Variants in GIGYF2 observed in about 807,000 individuals in gnomAD.
GIGYF2 encodes GRB10-interacting GYF protein 2.
Under a neutral mutation model 208.1 loss-of-function variants are expected in GIGYF2, and 25 were observed. The ratio of observed to expected loss-of-function variants is 0.12; its 90% CI spans 0.09 to 0.17. The LOEUF (loss-of-function observed/expected upper bound fraction) is 0.17. GIGYF2 is among the 10% of genes least tolerant of loss of function. The pLI, the probability that GIGYF2 is intolerant of heterozygous loss-of-function variation, is 1.00. For missense variants in GIGYF2, 1,302 were observed against 1,579.4 expected (o/e 0.82, Z 2.98); for synonymous variants, 534 against 543.8 (o/e 0.98, Z 0.25).
At chr2:232,824,692 C>A (rs985891795) in intron 21 of GIGYF2, among the ~76,000 whole-genome samples, 2 of 152,124 alleles carry the variant, frequency 1.3e-5, no homozygotes, top group African/African-American at 4.8e-5. Context: ...ATCCAGATGC[C>A]CTACTTAAGA....
At chr2:232,775,531 C>T (rs934278185) in intron 8 of GIGYF2, among the ~76,000 whole-genome samples, 1 of 152,122 alleles carries the variant, frequency 6.6e-6, no homozygotes, top group Non-Finnish European at 1.5e-5. Flanking sequence ...GTCTCATCAG[C>T]TGATCCCAAT....
intron 1 of GIGYF2, among the ~76,000 whole-genome samples, chr2:232,701,733 A>C (rs534650100): frequency 3.3e-5 from 5 of 152,044 alleles, no homozygotes; most frequent in Non-Finnish European, 7.4e-5. Flanking sequence ...CAAGAATGCA[A>C]TTTGAGAAAG....
chr2:232,760,603 C>A lies in GIGYF2; in HGVS notation c.491+12C>A. 1 of 1,514,492 alleles carries A rather than the reference C, an allele frequency of 6.6e-7. No homozygotes were observed. Among genetic ancestry groups the A allele is most frequent in the Non-Finnish European group, 9.2e-7 (1 of 1,089,764 alleles). The allele number at this position is 1,514,492 out of a possible 1,614,324, so 93.8% of individuals were successfully genotyped here. On this transcript the variant is annotated intron_variant, in intron 7 of 28. Transcript: ENST00000373563. ...AGCTGGGAGGAAAGGTAACTGGATC[C>A]ACATATTGGCATAAAAATTTCTTGG...
intron 5 of GIGYF2, 26 bp from the exon 6 acceptor site, chr2:232,756,197 C>CTTTTTTTTTTTTTTT: frequency 5.6e-6 from 4 of 709,936 alleles, no homozygotes; most frequent in South Asian, 2.0e-5. Context: ...TCCTTTTTCT[C>CTTTTTTTTTTTTTTT]TTTTTTTTTT....
At position 232,732,785 on chromosome 2, in the gene GIGYF2, T is replaced by C. The variant is rs144701026; in HGVS notation, c.-43-2370T>C. ...CTGGGACTACAGGCTCGCACCATCA[T>C]GCCCAGCTAATTTTTATATATTTTT... On this transcript the variant is annotated intron_variant, in intron 2 of 28. Transcript: ENST00000373563. Among the ~76,000 whole-genome samples, 1,318 of 152,094 alleles carry C rather than the reference T, an allele frequency of 8.7e-3. 35 individuals are homozygous for C. Among genetic ancestry groups the C allele is most frequent in the Admixed American group, 0.054 (828 of 15,274 alleles).
chr2:232,788,681 C>T (rs907533096), intron 9 of GIGYF2: 10 of 390,518 alleles, frequency 2.6e-5, no homozygotes, highest in Non-Finnish European at 5.5e-5. Flanking sequence ...ACCTCCCACC[C>T]AACAACTTAG....
intron 13 of GIGYF2, among the ~76,000 whole-genome samples, chr2:232,795,450 T>C (rs953187841): frequency 1.3e-5 from 2 of 152,204 alleles, no homozygotes; most frequent in African/African-American, 4.8e-5. Context: ...TGGCAGGAAA[T>C]GCTGAAGAAA....
chr2:232,734,156 C>T (rs1168020432), intron 2 of GIGYF2, among the ~76,000 whole-genome samples: 2 of 140,870 alleles, frequency 1.4e-5, no homozygotes, highest in African/African-American at 5.3e-5. Flanking sequence ...CACTATGTTG[C>T]CCAATCCAGT....
At chr2:232,754,389 G>A (rs1238365268) in intron 5 of GIGYF2, among the ~76,000 whole-genome samples, 2 of 151,962 alleles carry the variant, frequency 1.3e-5, no homozygotes, top group African/African-American at 4.8e-5. Context: ...AAAGGGGATG[G>A]GCATTTAAAT....
At chr2:232,786,781 C>G (rs1699921239) in intron 8 of GIGYF2, among the ~76,000 whole-genome samples, 3 of 152,038 alleles carry the variant, frequency 2.0e-5, no homozygotes, top group African/African-American at 4.8e-5. Flanking sequence ...GATGAGGGAG[C>G]TATGTATACA....
chr2:232,851,717 G>A (rs576182619), intron 28 of GIGYF2, among the ~76,000 whole-genome samples: 1 of 152,282 alleles, frequency 6.6e-6, no homozygotes, highest in African/African-American at 2.4e-5. Context: ...GCCACGCCCG[G>A]CCCTAAAATT....
At chr2:232,851,137 G>A (rs1690301508) in intron 28 of GIGYF2, among the ~76,000 whole-genome samples, 1 of 152,120 alleles carries the variant, frequency 6.6e-6, no homozygotes, top group African/African-American at 2.4e-5. Context: ...CTGGGGTAAC[G>A]TAGCGAGACC....
At chr2:232,730,070 G>T in intron 2 of GIGYF2, 1 of 1,064,216 alleles carries the variant, frequency 9.4e-7, no homozygotes, top group Non-Finnish European at 1.5e-6. Flanking sequence ...CAGGCGGTGG[G>T]CCAGATGCTG....
At chr2:232,855,273 C>T (rs981077196) in intron 28 of GIGYF2, among the ~76,000 whole-genome samples, 6 of 151,890 alleles carry the variant, frequency 4.0e-5, no homozygotes, top group African/African-American at 1.5e-4. Context: ...TTTTGAGTAG[C>T]GACAGGTTTT....
chr2:232,832,844 TC>T lies in GIGYF2; in HGVS notation c.2530-11del. The T allele has an allele frequency of 6.5e-7, 1 of 1,536,276 alleles. No individual in the cohort carries two copies. The highest frequency in any genetic ancestry group is 1.4e-5 in the African/African-American group (1 of 72,646). Reference sequence around the variant, plus strand: ...ATAAAATTTTTATATCTTTAATTTTTCCTTCTGGAAAGGAAGAGGAGGCTGC... The same window carrying T: ...ATAAAATTTTTATATCTTTAATTTTTCTTCTGGAAAGGAAGAGGAGGCTGC... On this transcript the variant is annotated splice_polypyrimidine_tract_variant and intron_variant, in intron 21 of 28. Coordinates refer to ENST00000373563, the MANE Select transcript of GIGYF2 (RefSeq NM_001103146.3).
intron 7 of GIGYF2, 37 bp from the exon 8 acceptor site, chr2:232,761,357 CTG>C: frequency 7.0e-7 from 1 of 1,423,326 alleles, no homozygotes; most frequent in Non-Finnish European, 9.9e-7. Context: ...ATCTATATCA[CTG>C]TGAGACTTTG....
chr2:232,818,054 CTTTG>C (rs1339823018), intron 20 of GIGYF2, among the ~76,000 whole-genome samples: 3 of 152,054 alleles, frequency 2.0e-5, no homozygotes, highest in East Asian at 3.8e-4. Context: ...TTTGCTTTTG[CTTTG>C]TTTCTTTTTG....
At chr2:232,716,517 T>C (rs1696689573) in intron 2 of GIGYF2, among the ~76,000 whole-genome samples, 1 of 151,756 alleles carries the variant, frequency 6.6e-6, no homozygotes, top group African/African-American at 2.4e-5. Flanking sequence ...CTAGCTGGGA[T>C]TGCAGGCATG....
At chr2:232,856,595 G>A (rs1011708776) in intron 28 of GIGYF2, among the ~76,000 whole-genome samples, 198 bp from the exon 29 acceptor site, 1 of 152,106 alleles carries the variant, frequency 6.6e-6, no homozygotes, top group East Asian at 1.9e-4. Context: ...GGGAGTCTAC[G>A]GCATGAGAAT....
Sources: allele counts gnomAD v4.1 joint callset (sites outside exome capture counted in the v4.1 genomes callset), GRCh38; gene constraint gnomAD v4.1.1; transcripts MANE v1.5; gene names NCBI Gene and HGNC (gene_info 2026-07-23, HGNC 2026-07-21).